ALAD: variants seen among roughly 807,000 people sequenced by gnomAD.
The protein encoded by ALAD is delta-aminolevulinic acid dehydratase.
In ALAD, 20 loss-of-function variants were observed where a neutral mutation model predicts 44.4. The ratio of observed to expected loss-of-function variants is 0.45; its 90% CI spans 0.32 to 0.65. ALAD has a LOEUF of 0.65. ALAD is among the 30% of genes least tolerant of loss of function. The pLI is 0.05. For synonymous variants in ALAD, 156 were observed against 167.9 expected (o/e 0.93, Z 0.55); for missense variants, 323 against 445.7 (o/e 0.72, Z 2.48).
At chr9:113,397,580 G>A (rs2761025) in intron 1 of ALAD, among the ~76,000 whole-genome samples, 5,315 of 150,514 alleles carry the variant, frequency 0.035, 144 homozygotes, top group South Asian at 0.13. Context: ...TTTCGTACTC[G>A]ATTTTGCTCT....
intron 1 of ALAD, among the ~76,000 whole-genome samples, chr9:113,399,822 A>C (rs1157241343): frequency 6.6e-6 from 1 of 152,074 alleles, no homozygotes; most frequent in Non-Finnish European, 1.5e-5. Context: ...AGGCTCTGCC[A>C]CTGGCCAGGG....
At position 113,390,897 on chromosome 9, in the gene ALAD, G is replaced by T; in HGVS notation, c.298C>A (p.Pro100Thr). The T allele has an allele frequency of 6.2e-7, 1 of 1,614,150 alleles. No individual in the cohort carries two copies. Among genetic ancestry groups the T allele is most frequent in the Non-Finnish European group, 8.5e-7 (1 of 1,180,024 alleles). ...AACAGATGGATTGCCTCAATAGCTGGGGACTCCTCGGAGTCAGCTGCGGAA... is the reference window on the plus strand; with the variant it reads ...AACAGATGGATTGCCTCAATAGCTGTGGACTCCTCGGAGTCAGCTGCGGAA... ...RGSAADSEESPAIEAIHLLRK... is the reference protein window; with the variant it reads ...RGSAADSEESTAIEAIHLLRK... Residue 100 changes from proline to threonine, a missense_variant, in exon 5 of 12, where the codon CCA (proline) becomes ACA (threonine). Transcript: ENST00000409155.
At chr9:113,400,057 A>T (rs529764987) in intron 1 of ALAD, among the ~76,000 whole-genome samples, 1 of 152,332 alleles carries the variant, frequency 6.6e-6, no homozygotes, top group African/African-American at 2.4e-5. Context: ...GGCTTTGAAG[A>T]GCCTGATCGC....
In ALAD at chr9:113,388,291, C is replaced by G. The variant is rs755168259; in HGVS notation, c.*9G>C. On this transcript the variant is annotated 3_prime_UTR_variant, in exon 12 of 12. Coordinates refer to ENST00000409155, the MANE Select transcript of ALAD (RefSeq NM_000031.6). ...AAAGTTCTAGTTCTTGGGCCTGGCA[C>G]TGTCTCCATCATTCCTCCTTCAGCC... 1.4e-5 allele frequency: 22 copies of G among 1,614,024 alleles called. No individual in the cohort carries two copies. The African/African-American group carries it at 2.1e-4, about 16-fold the overall frequency.
At chr9:113,390,159 T>C (rs960366876) in intron 7 of ALAD, among the ~76,000 whole-genome samples, 2 of 152,168 alleles carry the variant, frequency 1.3e-5, no homozygotes, top group Middle Eastern at 3.4e-3. Context: ...GTAGCTGGGA[T>C]TACAGGCGCC....
At chr9:113,390,352 G>C in intron 7 of ALAD, 53 bp downstream of exon 7, 1 of 1,570,396 alleles carries the variant, frequency 6.4e-7, no homozygotes, top group East Asian at 2.2e-5. Flanking sequence ...CACGGGGGCA[G>C]GGCTGGTGCA....
intron 10 of ALAD, 102 bp downstream of exon 10, chr9:113,389,336 T>G: frequency 7.0e-7 from 1 of 1,425,084 alleles, no homozygotes; most frequent in African/African-American, 1.4e-5. Flanking sequence ...GAGGAGAGGA[T>G]GCATGCTTAA....
At position 113,389,762 on chromosome 9, in the gene ALAD, C is replaced by G; in HGVS notation, c.626+11G>C. ...GGGATTCACAGCAGACCCCTGCCCA[C>G]CCCTGCTCACCGGAAAGGGCCATAG... On this transcript the variant is annotated intron_variant, in intron 8 of 11. Coordinates refer to ENST00000409155, the MANE Select transcript of ALAD (RefSeq NM_000031.6). The G allele has an allele frequency of 2.5e-6, 4 of 1,614,236 alleles. No homozygotes were observed. The highest frequency in any genetic ancestry group is 3.4e-6 in the Non-Finnish European group (4 of 1,180,042).
intron 4 of ALAD, 40 bp from the exon 5 acceptor site, chr9:113,390,973 T>G (rs754590350): frequency 6.2e-7 from 1 of 1,612,596 alleles, no homozygotes; most frequent in Non-Finnish European, 8.5e-7. Flanking sequence ...GTCTATTACA[T>G]GTAGCTTTGG....
intron 2 of ALAD, 51 bp from the exon 3 acceptor site, chr9:113,392,220 G>A (rs746883068): frequency 6.2e-7 from 1 of 1,613,366 alleles, no homozygotes; most frequent in Non-Finnish European, 8.5e-7. Context: ...AAGGGCCAGT[G>A]GTGCGGGGGC....
Position 113,388,193 on chromosome 9 carries a change from AG to A in ALAD, c.*106del. On this transcript the variant is annotated 3_prime_UTR_variant, in exon 12 of 12. Coordinates refer to ENST00000409155, the MANE Select transcript of ALAD (RefSeq NM_000031.6). ...GCCCCGCTAGCATGTGAGCAGGAAG[AG>A]GGCATGAGGGCACAGTTCTAAAAGC... is the stretch of plus-strand genomic sequence containing the variant. 8.4e-7 allele frequency: 1 copy of A among 1,196,134 alleles called. No individual in the cohort carries two copies. Among genetic ancestry groups the A allele is most frequent in the Non-Finnish European group, 1.2e-6 (1 of 802,486 alleles). The allele number at this position is 1,196,134 out of a possible 1,614,324, so 74.1% of individuals were successfully genotyped here.
chr9:113,394,159 C>T (rs544406708), intron 1 of ALAD, among the ~76,000 whole-genome samples: 2 of 151,286 alleles, frequency 1.3e-5, no homozygotes, highest in African/African-American at 4.8e-5. Context: ...AGGATGGTCT[C>T]GAACTCCTGG....
intron 1 of ALAD, among the ~76,000 whole-genome samples, chr9:113,398,993 C>A (rs1003709681): frequency 1.3e-5 from 2 of 152,174 alleles, no homozygotes; most frequent in Non-Finnish European, 2.9e-5. Context: ...AATTTAAATG[C>A]CTGTGACATT....
chr9:113,387,859 G>C lies in ALAD; in HGVS notation c.*441C>G. On this transcript the variant is annotated 3_prime_UTR_variant, in exon 12 of 12. Coordinates refer to ENST00000409155, the MANE Select transcript of ALAD (RefSeq NM_000031.6). ...ATTTCAACTCTAACCCAGGGATATCGATCTAGGCCTCATTCCCACACCCAG... is the reference window on the plus strand; with the variant it reads ...ATTTCAACTCTAACCCAGGGATATCCATCTAGGCCTCATTCCCACACCCAG... 4.0e-6 allele frequency: 1 copy of C among 248,898 alleles called. No homozygotes were observed. The highest frequency in any genetic ancestry group is 8.1e-6 in the Non-Finnish European group (1 of 123,314). The allele number at this position is 248,898 out of a possible 1,614,324, so 15.4% of individuals were successfully genotyped here.
intron 1 of ALAD, among the ~76,000 whole-genome samples, chr9:113,397,664 A>T (rs1475939784): frequency 8.3e-6 from 1 of 120,670 alleles, no homozygotes; most frequent in African/African-American, 3.3e-5. Flanking sequence ...TGGCTCTGTC[A>T]CCCAAGCTGG....
chr9:113,389,098 G>A lies in ALAD; in HGVS notation c.810C>T (p.Asp270=). 1 of 1,613,984 alleles carries A rather than the reference G, an allele frequency of 6.2e-7. No homozygotes were observed. The highest frequency in any genetic ancestry group is 8.5e-7 in the Non-Finnish European group (1 of 1,180,034). ...IVREVKDKHP[D]LPLAVYHVSG... ...AGACGTGGTACACGGCGAGAGGGAGGTCAGGGTGCTGCAGGGAAGCAGACA... is the reference window on the plus strand; with the variant it reads ...AGACGTGGTACACGGCGAGAGGGAGATCAGGGTGCTGCAGGGAAGCAGACA... The change falls in exon 11 of 12, where the codon GAC becomes GAT. Residue 270 remains aspartate, a synonymous_variant. Coordinates refer to ENST00000409155, the MANE Select transcript of ALAD (RefSeq NM_000031.6).
Position 113,388,266 on chromosome 9 carries a change from A to C in ALAD, c.*34T>G, listed in dbSNP as rs1397615018. 3 of 1,611,506 alleles carry C rather than the reference A, an allele frequency of 1.9e-6. No individual in the cohort carries two copies. The highest frequency in any genetic ancestry group is 2.2e-5 in the East Asian group (1 of 44,882). On this transcript the variant is annotated 3_prime_UTR_variant, in exon 12 of 12. Transcript: ENST00000409155. ...TTGTCTGAGGCCCCGGGAACGTTTT[A>C]AAGTTCTAGTTCTTGGGCCTGGCAC...
At chr9:113,388,417 CACCTTCTGCGATGGGAAG>C (rs1476312384) in intron 11 of ALAD, 56 bp from the exon 12 acceptor site, 1 of 1,553,436 alleles carries the variant, frequency 6.4e-7, no homozygotes, top group Non-Finnish European at 8.9e-7. Context: ...GCTCTGAGCA[CACCTTCTGCGATGGGAAG>C]GCCAGGCGGG....
intron 11 of ALAD, 90 bp downstream of exon 11, chr9:113,388,887 C>T (rs1564368095): frequency 1.2e-5 from 19 of 1,592,118 alleles, no homozygotes; most frequent in Non-Finnish European, 1.5e-5. Context: ...AATAAGATCC[C>T]AAGCTCTCAG....
Sources: allele counts gnomAD v4.1 joint callset (sites outside exome capture counted in the v4.1 genomes callset), GRCh38; gene constraint gnomAD v4.1.1; transcripts MANE v1.5; gene names NCBI Gene and HGNC (gene_info 2026-07-23, HGNC 2026-07-21).